Variants in TMEM232 observed in about 807,000 individuals in gnomAD.
The protein encoded by TMEM232 is transmembrane protein 232.
In TMEM232, 80 loss-of-function variants were observed where a neutral mutation model predicts 78.8. That is an observed-to-expected ratio of 1.01 (90% CI 0.85 to 1.22). The LOEUF (loss-of-function observed/expected upper bound fraction) is 1.22, where lower values mean the gene tolerates loss of function less well. TMEM232 is among the 50% of genes most tolerant of loss of function. TMEM232 has a pLI of 0.00. For synonymous variants in TMEM232, 297 were observed against 254.3 expected, an observed-to-expected ratio of 1.17 and a Z score of -1.60; for missense variants, 881 against 742.2, an observed-to-expected ratio of 1.19 and a Z score of -2.17.
At chr5:110,738,861 C>G (rs1336346104), upstream of TMEM232, 1 of 761,082 alleles carries the variant, frequency 1.3e-6, no homozygotes, top group Non-Finnish European at 2.0e-6. Flanking sequence ...AACCATATTC[C>G]CACCTATTCC....
At chr5:110,672,901 TC>T (rs1791548277) in intron 1 of TMEM232, among the ~76,000 whole-genome samples, 1 of 152,088 alleles carries the variant, frequency 6.6e-6, no homozygotes, top group African/African-American at 2.4e-5. Context: ...AGATTCGTTT[TC>T]CAGGTATCTA....
chr5:110,612,614 T>G (rs898767981), intron 8 of TMEM232, among the ~76,000 whole-genome samples: 1 of 152,188 alleles, frequency 6.6e-6, no homozygotes, highest in Admixed American at 6.6e-5. Context: ...CCTTGTTTCA[T>G]TCATTTCGAT....
chr5:110,636,088 A>G (rs1785786917), intron 5 of TMEM232, among the ~76,000 whole-genome samples: 2 of 152,188 alleles, frequency 1.3e-5, no homozygotes, highest in African/African-American at 4.8e-5. Context: ...TGGCAATAAA[A>G]TAATGAAATG....
chr5:110,687,458 A>G (rs1793557267), intron 1 of TMEM232, among the ~76,000 whole-genome samples: 1 of 152,004 alleles, frequency 6.6e-6, no homozygotes, highest in Non-Finnish European at 1.5e-5. Context: ...ATGACTCCCA[A>G]ACATAAATCT....
downstream of TMEM232, among the ~76,000 whole-genome samples, chr5:110,418,967 T>A (rs1561467538): frequency 1.3e-5 from 2 of 152,160 alleles, no homozygotes. Context: ...AGAAGGACGT[T>A]CAGAGTTTGG....
chr5:110,408,204 C>T (rs996864396), intron 2 of TMEM232, among the ~76,000 whole-genome samples: 5 of 152,006 alleles, frequency 3.3e-5, no homozygotes, highest in Non-Finnish European at 7.4e-5. Context: ...CCTAATGGTG[C>T]ACCTCAAGGA....
intron 10 of TMEM232, among the ~76,000 whole-genome samples, chr5:110,596,200 G>A (rs1190948763): frequency 1.3e-5 from 2 of 152,136 alleles, no homozygotes; most frequent in African/African-American, 2.4e-5. Flanking sequence ...CGATCCCACA[G>A]AAATACAAAC....
At chr5:110,519,389 A>C (rs1769165540) in intron 12 of TMEM232, among the ~76,000 whole-genome samples, 1 of 152,210 alleles carries the variant, frequency 6.6e-6, no homozygotes, top group Non-Finnish European at 1.5e-5. Context: ...ATCACTATTC[A>C]TCAGAGAAAT....
In TMEM232 at chr5:110,638,334, G is replaced by A. The variant is rs1448025274; in HGVS notation, c.365C>T (p.Ala122Val). 2.6e-6 allele frequency: 4 copies of A among 1,537,716 alleles called. No homozygotes were observed. The highest frequency in any genetic ancestry group is 2.1e-5 in the Admixed American group (1 of 47,510). ...ATCAAAGGAAGCATGGTCCAGAGAT[G>A]CATAAAGCATATTTAAAGATTCTGA... is the stretch of plus-strand genomic sequence containing the variant. The part of the protein sequence containing the change: ...IQDESLNMLY[A>V]SLDHASFDYD... Residue 122 changes from alanine (A) to valine (V), a missense_variant, in exon 5 of 14, where the codon GCA becomes GTA. Coordinates refer to ENST00000455884, the MANE Select transcript of TMEM232 (RefSeq NM_001039763.4).
intron 5 of TMEM232, among the ~76,000 whole-genome samples, chr5:110,630,148 A>C (rs763627843): frequency 2.0e-5 from 3 of 152,210 alleles, no homozygotes; most frequent in Middle Eastern, 3.2e-3. Context: ...CCTGGATTCA[A>C]AGTACTTATA....
chr5:110,569,496 A>G lies in TMEM232; in HGVS notation c.1277-871T>C, dbSNP rs1472701450. Among the ~76,000 whole-genome samples, 3 of 151,944 alleles carry G rather than the reference A, an allele frequency of 2.0e-5. No homozygotes were observed. The East Asian group carries it at 5.8e-4, about 29-fold the overall frequency. On this transcript the variant is annotated intron_variant, in intron 10 of 13. Coordinates refer to ENST00000455884, the MANE Select transcript of TMEM232 (RefSeq NM_001039763.4). The stretch of plus-strand genomic sequence containing the variant: ...CAACATGAAAATACTGAGTATGTGA[A>G]GCAGATAAGAAGAATAAGAAGAGGA...
At chr5:110,478,221 A>G (rs1033988573) in intron 12 of TMEM232, among the ~76,000 whole-genome samples, 2 of 151,980 alleles carry the variant, frequency 1.3e-5, no homozygotes, top group Non-Finnish European at 2.9e-5. Context: ...GTTATATACT[A>G]TGTAAATCAA....
chr5:110,404,385 C>T (rs1003367716), intron 2 of TMEM232, among the ~76,000 whole-genome samples: 8 of 151,814 alleles, frequency 5.3e-5, no homozygotes, highest in Non-Finnish European at 7.4e-5. Flanking sequence ...TAAAAGATAA[C>T]GGAGAAAAAA....
intron 12 of TMEM232, among the ~76,000 whole-genome samples, chr5:110,427,975 C>A (rs1757425169): frequency 6.6e-6 from 1 of 151,770 alleles, no homozygotes; most frequent in African/African-American, 2.4e-5. Flanking sequence ...AAGCATTTAT[C>A]CCTCATGTTA....
At chr5:110,627,252 TAA>T (rs1156927390) in intron 6 of TMEM232, among the ~76,000 whole-genome samples, 2 of 152,036 alleles carry the variant, frequency 1.3e-5, no homozygotes, top group Non-Finnish European at 2.9e-5. Context: ...AGAACCTTAC[TAA>T]AATATGAATT....
intron 12 of TMEM232, among the ~76,000 whole-genome samples, chr5:110,507,460 C>G (rs1767045563): frequency 6.6e-6 from 1 of 152,178 alleles, no homozygotes; most frequent in African/African-American, 2.4e-5. Flanking sequence ...GATAATAAAT[C>G]TGGAAAGTTT....
At chr5:110,432,763 C>T (rs917503931) in intron 12 of TMEM232, among the ~76,000 whole-genome samples, 1 of 151,696 alleles carries the variant, frequency 6.6e-6, no homozygotes, top group Non-Finnish European at 1.5e-5. Context: ...TAATGATATG[C>T]ATGGGTTCAA....
intron 12 of TMEM232, among the ~76,000 whole-genome samples, chr5:110,512,938 T>C (rs1406178033): frequency 6.6e-6 from 1 of 152,222 alleles, no homozygotes; most frequent in Non-Finnish European, 1.5e-5. Flanking sequence ...CACATCATGT[T>C]ACTATGAATG....
intron 10 of TMEM232, among the ~76,000 whole-genome samples, chr5:110,599,241 A>T (rs1780579368): frequency 6.6e-6 from 1 of 152,086 alleles, no homozygotes; most frequent in African/African-American, 2.4e-5. Context: ...GACCAATGAC[A>T]CTATGAAGAA....
Sources: allele counts gnomAD v4.1 joint callset (sites outside exome capture counted in the v4.1 genomes callset), GRCh38; gene constraint gnomAD v4.1.1; transcripts MANE v1.5; gene names NCBI Gene and HGNC (gene_info 2026-07-23, HGNC 2026-07-21).